The following ZPBP variants were observed in gnomAD, a reference collection of about 807,000 sequenced individuals.
ZPBP encodes the protein zona pellucida binding protein, also known as zona pellucida-binding protein 1.
Under a neutral mutation model 44.8 loss-of-function variants are expected in ZPBP, and 26 were observed. The observed-to-expected ratio is 0.58, with a 90% CI of 0.43 to 0.81. ZPBP has a LOEUF of 0.81. Among genes scored for constraint, ZPBP ranks in the 30% least tolerant of loss-of-function variants. The pLI, the probability that ZPBP is intolerant of heterozygous loss-of-function variation, is 0.00. For missense variants in ZPBP, 409 were observed against 434.0 expected (o/e 0.94, Z 0.51); for synonymous variants, 174 against 153.2 (o/e 1.14, Z -1.00).
chr7:49,969,803 G>GTA (rs754621506), intron 7 of ZPBP, among the ~76,000 whole-genome samples: 1,542 of 133,140 alleles, frequency 0.012, 19 homozygotes, highest in African/African-American at 0.031. Flanking sequence ...GTTAATAAAT[G>GTA]TATATATATA....
chr7:49,982,624 A>G (rs1478787139), intron 7 of ZPBP, among the ~76,000 whole-genome samples: 1 of 151,592 alleles, frequency 6.6e-6, no homozygotes, highest in Non-Finnish European at 1.5e-5. Context: ...TGAGACAAAT[A>G]AACTTTTTTC....
chr7:50,071,793 A>G (rs918337426), intron 3 of ZPBP, among the ~76,000 whole-genome samples: 18 of 152,114 alleles, frequency 1.2e-4, no homozygotes, highest in Non-Finnish European at 2.4e-4. Flanking sequence ...GCTGCCTTAA[A>G]AAAAAAGACC....
intron 6 of ZPBP, among the ~76,000 whole-genome samples, chr7:50,014,001 T>A (rs1202090546): frequency 1.3e-5 from 2 of 152,130 alleles, no homozygotes; most frequent in East Asian, 3.8e-4. Context: ...ACTACTACAT[T>A]GCATACATAA....
At chr7:49,854,798 C>T (rs1317776686) in intron 2 of ZPBP, among the ~76,000 whole-genome samples, 2 of 152,202 alleles carry the variant, frequency 1.3e-5, no homozygotes, top group Non-Finnish European at 2.9e-5. Flanking sequence ...ATGAGCCACA[C>T]ATTTTACTAA....
At chr7:49,873,369 T>A (rs902512531) in intron 2 of ZPBP, among the ~76,000 whole-genome samples, 1 of 152,034 alleles carries the variant, frequency 6.6e-6, no homozygotes, top group African/African-American at 2.4e-5. Flanking sequence ...GAGCAGGAGC[T>A]CTCTTGGGCC....
At chr7:50,044,866 T>C (rs1259261441) in intron 4 of ZPBP, among the ~76,000 whole-genome samples, 1 of 152,120 alleles carries the variant, frequency 6.6e-6, no homozygotes, top group Admixed American at 6.5e-5. Context: ...AAAAAGAACA[T>C]TTCAGGCCAA....
chr7:50,062,960 C>T (rs539107479), intron 3 of ZPBP, among the ~76,000 whole-genome samples: 18 of 142,134 alleles, frequency 1.3e-4, no homozygotes, highest in Non-Finnish European at 2.1e-4. Context: ...AACAAAGAGT[C>T]GTTACCTTTT....
intron 6 of ZPBP, among the ~76,000 whole-genome samples, chr7:49,985,892 G>GA (rs1438394536): frequency 6.6e-6 from 1 of 152,194 alleles, no homozygotes; most frequent in Non-Finnish European, 1.5e-5. Flanking sequence ...TAAGCAGTGA[G>GA]AAGAGACCTG....
Position 50,058,916 on chromosome 7 carries a change from G to A in ZPBP, c.335-775C>T, listed in dbSNP as rs1801106809. 2.6e-5 allele frequency among the ~76,000 whole-genome samples: 4 copies of A among 152,290 alleles called. No individual in the cohort carries two copies. In the South Asian group the frequency reaches 8.3e-4, roughly 32 times the overall value. On this transcript the variant is annotated intron_variant, in intron 3 of 7. Coordinates refer to ENST00000046087, the MANE Select transcript of ZPBP (RefSeq NM_007009.3). ...TTTCCCTCTCACAAACTGTAACCAT[G>A]AGTAACCAATTAATCTTTCTGAGAT...
At position 50,089,722 on chromosome 7, in the gene ZPBP, A is replaced by C. The variant is rs759262974; in HGVS notation, c.128-13T>G. On this transcript the variant is annotated splice_polypyrimidine_tract_variant and intron_variant, in intron 1 of 7. Transcript: ENST00000046087. The stretch of plus-strand genomic sequence containing the variant: ...ACCAAGTGTCCAACTATCAAAAAAA[A>C]AGATCAACAATTTGTCTCATTAGAT... 2 of 1,596,838 alleles carry C rather than the reference A, an allele frequency of 1.3e-6. No individual in the cohort carries two copies. The highest frequency in any genetic ancestry group is 1.7e-6 in the Non-Finnish European group (2 of 1,166,814).
intron 1 of ZPBP, among the ~76,000 whole-genome samples, chr7:49,928,749 G>A (rs978464539): frequency 3.9e-5 from 6 of 152,168 alleles, no homozygotes; most frequent in African/African-American, 1.4e-4. Context: ...GGATGGAAGA[G>A]TGCTGCTATG....
chr7:50,022,387 G>A (rs1799142328), intron 5 of ZPBP, among the ~76,000 whole-genome samples: 2 of 151,878 alleles, frequency 1.3e-5, no homozygotes, highest in African/African-American at 4.8e-5. Context: ...GCATAGAGAA[G>A]GAGTGACCTT....
chr7:49,905,480 C>G (rs1793035611), intron 1 of ZPBP, among the ~76,000 whole-genome samples: 1 of 152,188 alleles, frequency 6.6e-6, no homozygotes, highest in South Asian at 2.1e-4. Context: ...TACATTCCCT[C>G]TTGGAATTAA....
At chr7:50,090,649 A>G (rs74425745) in intron 1 of ZPBP, among the ~76,000 whole-genome samples, 116,696 of 151,218 alleles carry the variant, frequency 0.77, 45,168 homozygotes, top group East Asian at 0.88. Flanking sequence ...ACACACATGC[A>G]CACACACACA....
In ZPBP at chr7:49,965,388, T is replaced by G. The variant is rs147257895; in HGVS notation, c.961+17954A>C. ...TATAATATATAAAGAATAAAAAAAC[T>G]ATCAACTCTTAATTCTATATCCACC... On this transcript the variant is annotated intron_variant, in intron 7 of 7. Transcript: ENST00000046087. Among the ~76,000 whole-genome samples, 106 of 152,110 alleles carry G rather than the reference T, an allele frequency of 7.0e-4. No homozygotes were observed. The East Asian group carries it at 0.017, about 24-fold the overall frequency.
chr7:49,953,841 CATGAGA>C (rs1230880375), intron 7 of ZPBP, among the ~76,000 whole-genome samples: 2 of 152,086 alleles, frequency 1.3e-5, no homozygotes, highest in East Asian at 3.8e-4. Context: ...ATTCTGTATT[CATGAGA>C]ATAAGTACTT....
intron 7 of ZPBP, among the ~76,000 whole-genome samples, chr7:49,946,499 T>C (rs1795109744): frequency 6.6e-6 from 1 of 152,122 alleles, no homozygotes; most frequent in South Asian, 2.1e-4. Flanking sequence ...TTTTTTTCCT[T>C]CAGCAATTTA....
At chr7:49,931,448 G>A (rs2365784) in intron 1 of ZPBP, among the ~76,000 whole-genome samples, 118,272 of 152,094 alleles carry the variant, frequency 0.78, 46,164 homozygotes, top group East Asian at 0.89. Flanking sequence ...GAAATGAGGA[G>A]CTTGTTGGAA....
At chr7:49,937,338 G>A, downstream of ZPBP, 1 of 545,016 alleles carries the variant, frequency 1.8e-6, no homozygotes, top group South Asian at 2.3e-5. Context: ...TCATATGTAG[G>A]TTTGGCATTA....
Sources: gnomAD v4.1 joint callset for allele counts (sites outside exome capture counted in the v4.1 genomes callset) on GRCh38, gnomAD v4.1.1 for gene constraint, MANE v1.5 for transcripts, NCBI Gene and HGNC (gene_info 2026-07-23, HGNC 2026-07-21) for gene names.